The following CTNNA3 variants were observed in gnomAD, a reference collection of about 807,000 sequenced individuals.
CTNNA3 encodes the protein catenin alpha-3.
Under a neutral mutation model 95.7 loss-of-function variants are expected in CTNNA3, and 76 were observed. The ratio of observed to expected loss-of-function variants is 0.79; its 90% CI spans 0.66 to 0.96. The LOEUF (loss-of-function observed/expected upper bound fraction) is 0.96. CTNNA3 is among the 40% of genes least tolerant of loss of function. The probability of loss-of-function intolerance (pLI) is 0.00; values close to 1 mark genes in which losing one functional copy is unlikely to be tolerated. For synonymous variants in CTNNA3, 431 were observed against 374.4 expected, an observed-to-expected ratio of 1.15 and a Z score of -1.74; for missense variants, 1,191 against 1,089.8, an observed-to-expected ratio of 1.09 and a Z score of -1.31.
intron 9 of CTNNA3, among the ~76,000 whole-genome samples, chr10:66,722,395 C>A (rs1047183220): frequency 4.0e-5 from 6 of 149,756 alleles, no homozygotes; most frequent in Non-Finnish European, 8.9e-5. Context: ...AAAAAAAATG[C>A]TAAACTGTGG....
rs369857598 is a variant in CTNNA3, at chr10:67,228,884, C to T, written c.580-9014G>A. On this transcript the variant is annotated intron_variant, in intron 5 of 17. Coordinates refer to ENST00000433211, the MANE Select transcript of CTNNA3 (RefSeq NM_013266.4). ...CAGATGGACTCACAGCAGAATTCTT[C>T]CAGACATTCAAAGAATTAGTACCAA... Among the ~76,000 whole-genome samples, 648 of 152,116 alleles carry T rather than the reference C, an allele frequency of 4.3e-3. 6 individuals are homozygous for T. The highest frequency in any genetic ancestry group is 0.015 in the African/African-American group (617 of 41,492).
intron 13 of CTNNA3, among the ~76,000 whole-genome samples, chr10:66,133,166 T>C (rs180841823): frequency 1.2e-4 from 18 of 152,306 alleles, no homozygotes; most frequent in African/African-American, 3.6e-4. Context: ...TTAATATAGT[T>C]GAATCCTATC....
chr10:66,258,511 T>C (rs981054780), intron 13 of CTNNA3, among the ~76,000 whole-genome samples: 4 of 152,154 alleles, frequency 2.6e-5, no homozygotes, highest in African/African-American at 4.8e-5. Flanking sequence ...GGACTAATAA[T>C]GTGAAGCATG....
intron 14 of CTNNA3, among the ~76,000 whole-genome samples, chr10:66,076,510 T>C (rs1301589612): frequency 6.6e-6 from 1 of 151,692 alleles, no homozygotes. Flanking sequence ...TACATTTTTA[T>C]GTATAGACCT....
intron 6 of CTNNA3, among the ~76,000 whole-genome samples, chr10:67,215,430 A>G (rs1864312387): frequency 6.6e-6 from 1 of 152,096 alleles, no homozygotes; most frequent in African/African-American, 2.4e-5. Context: ...CTTCCTTGGA[A>G]CCGTATGAGA....
At chr10:66,019,352 T>G (rs1412790325) in intron 15 of CTNNA3, among the ~76,000 whole-genome samples, 2 of 152,224 alleles carry the variant, frequency 1.3e-5, no homozygotes, top group East Asian at 3.9e-4. Context: ...TGTAATTAAG[T>G]ATACATAATT....
chr10:66,826,555 T>C (rs1258656626), intron 7 of CTNNA3, among the ~76,000 whole-genome samples: 1 of 152,226 alleles, frequency 6.6e-6, no homozygotes, highest in Non-Finnish European at 1.5e-5. Context: ...TGTAAGATAA[T>C]AGAGATTTGT....
intron 7 of CTNNA3, among the ~76,000 whole-genome samples, chr10:67,047,231 G>A (rs1854810428): frequency 1.3e-5 from 2 of 152,130 alleles, no homozygotes; most frequent in Non-Finnish European, 2.9e-5. Context: ...GAGTGGTGGA[G>A]TCTCTAGATG....
intron 1 of CTNNA3, among the ~76,000 whole-genome samples, chr10:67,704,238 G>A (rs998510621): frequency 2.7e-4 from 41 of 152,266 alleles, no homozygotes; most frequent in South Asian, 6.2e-4. Flanking sequence ...TCCCCATCAA[G>A]CTACCAATGA....
chr10:66,769,750 C>T (rs1446329849), intron 8 of CTNNA3, among the ~76,000 whole-genome samples: 3 of 152,208 alleles, frequency 2.0e-5, no homozygotes, highest in Non-Finnish European at 4.4e-5. Context: ...AATTCCTACC[C>T]TCCATCCATT....
chr10:66,556,076 A>G (rs930005285), intron 10 of CTNNA3, among the ~76,000 whole-genome samples: 1 of 152,104 alleles, frequency 6.6e-6, no homozygotes, highest in Non-Finnish European at 1.5e-5. Flanking sequence ...ATTTTCCCAA[A>G]AAGGCATAAA....
intron 9 of CTNNA3, among the ~76,000 whole-genome samples, chr10:66,623,473 A>G (rs1402331405): frequency 6.6e-6 from 1 of 152,120 alleles, no homozygotes; most frequent in East Asian, 1.9e-4. Context: ...AGGCTTATTA[A>G]AAGCCAATTA....
At position 67,569,689 on chromosome 10, in the gene CTNNA3, T is replaced by C. The variant is rs137996594; in HGVS notation, c.293-30020A>G. Among the ~76,000 whole-genome samples the C allele has an allele frequency of 2.2e-3, 332 of 152,272 alleles. 2 individuals carry two copies. Among genetic ancestry groups the C allele is most frequent in the African/African-American group, 7.6e-3 (314 of 41,568 alleles). Reference sequence around the variant, plus strand: ...CAGAAGATGGGTCTGAAAATTATTGTTGTGTTGCACATTCTAGCATTAAAG... The same window carrying C: ...CAGAAGATGGGTCTGAAAATTATTGCTGTGTTGCACATTCTAGCATTAAAG... On this transcript the variant is annotated intron_variant, in intron 3 of 17. Transcript: ENST00000433211.
chr10:66,124,600 G>C (rs2082729490), intron 13 of CTNNA3, among the ~76,000 whole-genome samples: 1 of 152,156 alleles, frequency 6.6e-6, no homozygotes, highest in Non-Finnish European at 1.5e-5. Flanking sequence ...TGCTGATGAA[G>C]AAATACTTGA....
At chr10:67,277,579 G>T (rs1237181590) in intron 5 of CTNNA3, among the ~76,000 whole-genome samples, 1 of 152,102 alleles carries the variant, frequency 6.6e-6, no homozygotes, top group Non-Finnish European at 1.5e-5. Context: ...ATTCCCAGGA[G>T]ATTAGGCATT....
intron 11 of CTNNA3, among the ~76,000 whole-genome samples, chr10:66,463,500 C>A (rs2093543422): frequency 6.6e-6 from 1 of 152,052 alleles, no homozygotes; most frequent in South Asian, 2.1e-4. Context: ...TATAGCAATG[C>A]CAACAGACTA....
At chr10:66,434,411 G>A (rs1311227506) in intron 11 of CTNNA3, among the ~76,000 whole-genome samples, 1 of 152,132 alleles carries the variant, frequency 6.6e-6, no homozygotes, top group African/African-American at 2.4e-5. Context: ...TAGCAATTGT[G>A]AATAGGAGTT....
In CTNNA3 at chr10:66,212,738, T is replaced by C. The variant is rs145740981; in HGVS notation, c.1884+67732A>G. ...TCCTTTTTTGGGCAAGCATGGTGGC[T>C]CACACCTATAATCCCAGCACTTTGG... is the stretch of plus-strand genomic sequence containing the variant. On this transcript the variant is annotated intron_variant, in intron 13 of 17. Transcript: ENST00000433211. Among the ~76,000 whole-genome samples, 55 of 152,346 alleles carry C rather than the reference T, an allele frequency of 3.6e-4. 1 individual carries two copies. In the East Asian group the frequency reaches 0.01, roughly 28 times the overall value.
chr10:67,743,594 G>C (rs964607365), intron 1 of CTNNA3, among the ~76,000 whole-genome samples: 5 of 151,366 alleles, frequency 3.3e-5, no homozygotes, highest in African/African-American at 9.7e-5. Flanking sequence ...ATGGGCACAA[G>C]ACAGGGATGC....
Sources: gnomAD v4.1 joint callset for allele counts (sites outside exome capture counted in the v4.1 genomes callset) on GRCh38, gnomAD v4.1.1 for gene constraint, MANE v1.5 for transcripts, NCBI Gene and HGNC (gene_info 2026-07-23, HGNC 2026-07-21) for gene names.